The following KCNH5 variants were observed in gnomAD, a reference collection of about 807,000 sequenced individuals.
The protein encoded by KCNH5 is potassium voltage-gated channel subfamily H member 5.
A neutral mutation model predicts 96.1 loss-of-function variants in KCNH5; 46 were observed. That is an observed-to-expected ratio of 0.48 (90% CI 0.38 to 0.61). The LOEUF (loss-of-function observed/expected upper bound fraction) is 0.61. KCNH5 is among the 20% of genes least tolerant of loss of function. KCNH5 has a pLI of 0.00. For synonymous variants in KCNH5, 439 were observed against 449.8 expected (o/e 0.98, Z 0.30); for missense variants, 907 against 1,225.8 (o/e 0.74, Z 3.88).
intron 4 of KCNH5, among the ~76,000 whole-genome samples, chr14:62,993,680 C>T (rs987535212): frequency 1.3e-5 from 2 of 152,014 alleles, no homozygotes; most frequent in Non-Finnish European, 2.9e-5. Flanking sequence ...TGATCTCCCA[C>T]CAACTTGTAC....
At chr14:62,990,303 C>T (rs556999767) in intron 4 of KCNH5, among the ~76,000 whole-genome samples, 3 of 152,134 alleles carry the variant, frequency 2.0e-5, no homozygotes, top group South Asian at 2.1e-4. Flanking sequence ...TTTGAAGCAT[C>T]ATGAGCACAG....
intron 10 of KCNH5, among the ~76,000 whole-genome samples, chr14:62,749,155 C>T (rs1383194966): frequency 6.6e-6 from 1 of 152,192 alleles, no homozygotes; most frequent in Non-Finnish European, 1.5e-5. Context: ...AAAGTCTGTG[C>T]CCACTCAGTA....
At chr14:62,747,813 C>T (rs1181782258) in intron 10 of KCNH5, among the ~76,000 whole-genome samples, 1 of 152,146 alleles carries the variant, frequency 6.6e-6, no homozygotes, top group African/African-American at 2.4e-5. Flanking sequence ...TAAGATACTA[C>T]TCATAACAGA....
At position 62,701,836 on chromosome 14, in the gene KCNH5, C is replaced by A. The variant is rs1310624831; in HGVS notation, c.*5672G>T. On this transcript the variant is annotated 3_prime_UTR_variant, in exon 11 of 11. Coordinates refer to ENST00000322893, the MANE Select transcript of KCNH5 (RefSeq NM_139318.5). ...GAAGTAAATATACATACTGTGAGCT[C>A]ATTAATTTTGGAAATAAGGATACAA... The A allele has an allele frequency of 6.6e-6, 1 of 151,966 alleles. No individual in the cohort carries two copies. The highest frequency in any genetic ancestry group is 2.4e-5 in the African/African-American group (1 of 41,382). The allele number at this position is 151,966 out of a possible 1,614,324, so 9.4% of individuals were successfully genotyped here.
chr14:62,944,961 A>C (rs1002411634), intron 7 of KCNH5, among the ~76,000 whole-genome samples: 1 of 152,186 alleles, frequency 6.6e-6, no homozygotes, highest in African/African-American at 2.4e-5. Context: ...AACTCAGAGA[A>C]GAAAACAACC....
intron 7 of KCNH5, among the ~76,000 whole-genome samples, chr14:62,891,441 G>C (rs1888709089): frequency 6.6e-6 from 1 of 152,048 alleles, no homozygotes; most frequent in South Asian, 2.1e-4. Flanking sequence ...GAGCATAAAA[G>C]ATAACTATTG....
At chr14:62,913,054 T>C (rs1368048065) in intron 7 of KCNH5, among the ~76,000 whole-genome samples, 1 of 152,234 alleles carries the variant, frequency 6.6e-6, no homozygotes, top group Non-Finnish European at 1.5e-5. Flanking sequence ...CTTCTAAATC[T>C]GAACTTAGTT....
intron 10 of KCNH5, among the ~76,000 whole-genome samples, chr14:62,735,483 T>C (rs1179842523): frequency 6.6e-6 from 1 of 152,200 alleles, no homozygotes; most frequent in Non-Finnish European, 1.5e-5. Flanking sequence ...TAAGCAAACA[T>C]GGGCTTGTTA....
At chr14:62,810,030 A>G (rs1886841748) in intron 8 of KCNH5, among the ~76,000 whole-genome samples, 1 of 152,132 alleles carries the variant, frequency 6.6e-6, no homozygotes, top group Non-Finnish European at 1.5e-5. Flanking sequence ...AAAGTCTTCT[A>G]ATTTAGTTTA....
chr14:62,872,939 A>C (rs1888286874), intron 7 of KCNH5, among the ~76,000 whole-genome samples: 1 of 152,142 alleles, frequency 6.6e-6, no homozygotes, highest in South Asian at 2.1e-4. Flanking sequence ...TCACGAGGTC[A>C]GGAGATCGAG....
At chr14:62,911,535 C>T (rs1269978915) in intron 7 of KCNH5, among the ~76,000 whole-genome samples, 1 of 151,880 alleles carries the variant, frequency 6.6e-6, no homozygotes, top group African/African-American at 2.4e-5. Context: ...TGGAATTGTA[C>T]CCTACCAGAT....
chr14:62,814,782 CAAAAAAAAAAAA>C (rs71120235), intron 8 of KCNH5, among the ~76,000 whole-genome samples: 1,894 of 33,756 alleles, frequency 0.056, 46 homozygotes, highest in Non-Finnish European at 0.067. Context: ...GACTCCATCT[CAAAAAAAAAAAA>C]AAAAAAAAAA....
chr14:62,858,887 C>G (rs1432982516), intron 7 of KCNH5, among the ~76,000 whole-genome samples: 1 of 152,144 alleles, frequency 6.6e-6, no homozygotes, highest in Non-Finnish European at 1.5e-5. Context: ...TTCAAAAGAC[C>G]ATTCCACCAT....
intron 2 of KCNH5, among the ~76,000 whole-genome samples, chr14:63,008,037 G>T (rs151204029): frequency 5.6e-4 from 86 of 152,246 alleles, no homozygotes; most frequent in African/African-American, 2.0e-3. Context: ...CAGTTCTGCT[G>T]ATCGGTATGA....
intron 7 of KCNH5, among the ~76,000 whole-genome samples, chr14:62,878,419 C>G (rs1334360878): frequency 1.3e-5 from 2 of 151,954 alleles, no homozygotes; most frequent in Non-Finnish European, 2.9e-5. Context: ...TAAAAATTAT[C>G]TCTAAAGAAC....
chr14:62,797,234 C>A (rs1483631897), intron 9 of KCNH5, among the ~76,000 whole-genome samples: 1 of 152,028 alleles, frequency 6.6e-6, no homozygotes, highest in Non-Finnish European at 1.5e-5. Context: ...CTATTTTATT[C>A]CAAAACCTGC....
chr14:62,819,202 C>T (rs556002332), intron 8 of KCNH5, among the ~76,000 whole-genome samples: 60 of 152,226 alleles, frequency 3.9e-4, no homozygotes, highest in Non-Finnish European at 6.6e-4. Flanking sequence ...CTCCTGATCT[C>T]GTGATCCGCC....
At chr14:62,751,436 T>C (rs1401081764) in intron 10 of KCNH5, among the ~76,000 whole-genome samples, 1 of 152,194 alleles carries the variant, frequency 6.6e-6, no homozygotes, top group Non-Finnish European at 1.5e-5. Context: ...AGTTGTCCAA[T>C]GGGAGCTGTG....
At chr14:62,744,880 T>G (rs1434917567) in intron 10 of KCNH5, among the ~76,000 whole-genome samples, 1 of 152,100 alleles carries the variant, frequency 6.6e-6, no homozygotes, top group East Asian at 1.9e-4. Context: ...ATCAGAATCC[T>G]TGGGAAAAAA....
Sources: gnomAD v4.1 joint callset for allele counts (sites outside exome capture counted in the v4.1 genomes callset) on GRCh38, gnomAD v4.1.1 for gene constraint, MANE v1.5 for transcripts, NCBI Gene and HGNC (gene_info 2026-07-23, HGNC 2026-07-21) for gene names.